Variants in HDAC9 observed in about 807,000 individuals in gnomAD.
HDAC9 encodes MEF-2 interacting transcription repressor (MITR) protein.
In HDAC9, 41 loss-of-function variants were observed where a neutral mutation model predicts 139.4. That is an observed-to-expected ratio of 0.29 (90% CI 0.23 to 0.38). HDAC9 has a LOEUF of 0.38. Ranked by LOEUF, HDAC9 falls within the 10% of genes least tolerant of loss-of-function variation. The pLI is 1.00. For missense variants in HDAC9, 1,147 were observed against 1,297.0 expected (o/e 0.88, Z 1.78); for synonymous variants, 517 against 476.2 (o/e 1.09, Z -1.12).
intron 15 of HDAC9, among the ~76,000 whole-genome samples, chr7:18,764,765 A>C (rs1400957757): frequency 6.6e-6 from 1 of 152,084 alleles, no homozygotes; most frequent in Admixed American, 6.6e-5. Context: ...TACATCCCCC[A>C]GTTCCTCCCA....
chr7:18,384,621 C>T (rs944073888), intron 1 of HDAC9, among the ~76,000 whole-genome samples: 1 of 152,048 alleles, frequency 6.6e-6, no homozygotes, highest in African/African-American at 2.4e-5. Flanking sequence ...AGTTGAGATT[C>T]AGGGAGAGCA....
At chr7:18,979,159 T>C (rs1196466147) in intron 25 of HDAC9, among the ~76,000 whole-genome samples, 2 of 152,190 alleles carry the variant, frequency 1.3e-5, no homozygotes, top group Admixed American at 6.6e-5. Context: ...AAACATATTA[T>C]TCAAAGTCTG....
intron 12 of HDAC9, chr7:18,667,217 A>G: frequency 1.0e-6 from 1 of 985,364 alleles, no homozygotes; most frequent in South Asian, 4.7e-5. Flanking sequence ...TGTCTATCAA[A>G]AAAGAGCAAA....
intron 13 of HDAC9, among the ~76,000 whole-genome samples, chr7:18,733,935 T>C (rs1035821091): frequency 1.3e-5 from 2 of 152,170 alleles, no homozygotes; most frequent in Admixed American, 6.6e-5. Flanking sequence ...TATTTTGTTA[T>C]CTTGTTAATT....
chr7:18,928,665 A>C (rs1450320063), intron 22 of HDAC9, among the ~76,000 whole-genome samples: 1 of 152,174 alleles, frequency 6.6e-6, no homozygotes, highest in Admixed American at 6.5e-5. Flanking sequence ...TGTATCCACT[A>C]TTTGATATTT....
At chr7:18,975,273 G>A (rs1784481071) in intron 24 of HDAC9, among the ~76,000 whole-genome samples, 1 of 152,236 alleles carries the variant, frequency 6.6e-6, no homozygotes, top group South Asian at 2.1e-4. Context: ...CTGAGGTTGA[G>A]AAAGAAAGAA....
intron 2 of HDAC9, among the ~76,000 whole-genome samples, chr7:18,535,668 G>A (rs529466360): frequency 1.8e-5 from 2 of 113,136 alleles, no homozygotes; most frequent in East Asian, 2.9e-4. Context: ...TTGAAACAAC[G>A]TTTGCATTGA....
chr7:18,628,940 C>A (rs1204969110), intron 6 of HDAC9, among the ~76,000 whole-genome samples: 1 of 152,098 alleles, frequency 6.6e-6, no homozygotes, highest in Non-Finnish European at 1.5e-5. Flanking sequence ...AAATCACATT[C>A]AGTTACTCTT....
At chr7:18,320,064 C>T (rs1478845459) in intron 1 of HDAC9, among the ~76,000 whole-genome samples, 4 of 152,146 alleles carry the variant, frequency 2.6e-5, no homozygotes, top group Non-Finnish European at 4.4e-5. Context: ...TCAGCACCTG[C>T]TAGTCACTAT....
chr7:18,129,576 A>G (rs914891659), intron 1 of HDAC9, among the ~76,000 whole-genome samples: 2 of 152,198 alleles, frequency 1.3e-5, no homozygotes, highest in Non-Finnish European at 2.9e-5. Context: ...AAAGCAGAAT[A>G]TTTAACTTTG....
At chr7:18,290,639 T>C (rs998215081) in intron 1 of HDAC9, 3 of 412,834 alleles carry the variant, frequency 7.3e-6, no homozygotes, top group Non-Finnish European at 1.5e-5. Context: ...AAACTTGTCA[T>C]GCGGAGGGAA....
At chr7:18,701,158 A>T (rs1308555963) in intron 12 of HDAC9, among the ~76,000 whole-genome samples, 3 of 152,142 alleles carry the variant, frequency 2.0e-5, no homozygotes, top group Non-Finnish European at 2.9e-5. Flanking sequence ...TTCATAAAAA[A>T]AAAAAACCTT....
At chr7:18,594,199 G>C (rs1213226282) in intron 6 of HDAC9, among the ~76,000 whole-genome samples, 170 bp downstream of exon 6, 4 of 151,902 alleles carry the variant, frequency 2.6e-5, no homozygotes, top group African/African-American at 7.3e-5. Flanking sequence ...ACTTATTTCT[G>C]CATCAGTTGA....
At chr7:18,092,030 C>A (rs1782186333) in intron 1 of HDAC9, among the ~76,000 whole-genome samples, 1 of 152,164 alleles carries the variant, frequency 6.6e-6, no homozygotes, top group Non-Finnish European at 1.5e-5. Flanking sequence ...TCAGGCTATA[C>A]AAGGGCATGA....
intron 12 of HDAC9, among the ~76,000 whole-genome samples, chr7:18,717,666 G>A (rs997757469): frequency 2.0e-5 from 3 of 151,914 alleles, no homozygotes; most frequent in African/African-American, 7.3e-5. Context: ...CCTGACTTCA[G>A]GTGATCCACC....
chr7:18,869,749 G>A (rs950210906), intron 21 of HDAC9, among the ~76,000 whole-genome samples: 4 of 152,094 alleles, frequency 2.6e-5, no homozygotes, highest in South Asian at 2.1e-4. Context: ...TTATTGTGGT[G>A]GTGTGAGAGC....
intron 16 of HDAC9, among the ~76,000 whole-genome samples, chr7:18,792,387 T>C (rs1211079502): frequency 6.6e-6 from 1 of 152,038 alleles, no homozygotes; most frequent in Non-Finnish European, 1.5e-5. Flanking sequence ...AAATAACTTA[T>C]GTGTCCTAAA....
chr7:18,966,164 C>T (rs1783831352), intron 24 of HDAC9, among the ~76,000 whole-genome samples: 2 of 152,220 alleles, frequency 1.3e-5, no homozygotes, highest in South Asian at 4.1e-4. Context: ...ACTTTGAACA[C>T]ATGGTTAAAT....
intron 2 of HDAC9, among the ~76,000 whole-genome samples, chr7:18,532,279 A>G (rs1809276646): frequency 6.6e-6 from 1 of 152,052 alleles, no homozygotes; most frequent in South Asian, 2.1e-4. Flanking sequence ...CAAACAAACA[A>G]AAAACCACAA....
Sources: allele counts gnomAD v4.1 joint callset (sites outside exome capture counted in the v4.1 genomes callset), GRCh38; gene constraint gnomAD v4.1.1; transcripts MANE v1.5; gene names NCBI Gene and HGNC (gene_info 2026-07-23, HGNC 2026-07-21).